The following CCL28 variants were observed in gnomAD, a reference collection of about 807,000 sequenced individuals.
CCL28 encodes C-C motif chemokine 28.
A neutral mutation model predicts 7.1 loss-of-function variants in CCL28; 4 were observed. That is an observed-to-expected ratio of 0.56 (90% CI 0.28 to 1.29). The LOEUF (loss-of-function observed/expected upper bound fraction) is 1.29, where lower values mean the gene tolerates loss of function less well. CCL28 is among the 50% of genes most tolerant of loss of function. The pLI is 0.11. For missense variants in CCL28, 151 were observed against 163.4 expected (o/e 0.92, Z 0.41); for synonymous variants, 55 against 57.8 (o/e 0.95, Z 0.22).
At chr5:43,363,639 G>A in the CCL28 span, among the ~76,000 whole-genome samples, 1 of 152,206 alleles carries the variant, frequency 6.6e-6, no homozygotes. Flanking sequence ...CTTCAGGTGA[G>A]TTTCCCTTTG....
At chr5:43,385,251 A>G (rs1226116890) in intron 2 of CCL28, among the ~76,000 whole-genome samples, 1 of 152,242 alleles carries the variant, frequency 6.6e-6, no homozygotes, top group Non-Finnish European at 1.5e-5. Flanking sequence ...AAGCTCATTA[A>G]TGAAGTCACT....
chr5:43,359,407 G>T, the CCL28 span, among the ~76,000 whole-genome samples: 3 of 152,214 alleles, frequency 2.0e-5, no homozygotes, highest in Non-Finnish European at 2.9e-5. Flanking sequence ...TCTGTAGCAG[G>T]AACATATCCT....
chr5:43,378,463 C>T (rs1041104791), downstream of CCL28, among the ~76,000 whole-genome samples: 7 of 152,050 alleles, frequency 4.6e-5, no homozygotes, highest in African/African-American at 1.4e-4. Context: ...TTTTTTAAAT[C>T]GCACACCTAT....
chr5:43,366,783 T>C, the CCL28 span, among the ~76,000 whole-genome samples: 1 of 152,106 alleles, frequency 6.6e-6, no homozygotes, highest in Non-Finnish European at 1.5e-5. Flanking sequence ...CCCAGGGAGA[T>C]GGGAGTTTTA....
chr5:43,375,767 G>A (rs914448187), downstream of CCL28, among the ~76,000 whole-genome samples: 36 of 152,022 alleles, frequency 2.4e-4, no homozygotes, highest in African/African-American at 7.3e-4. Flanking sequence ...TGAGGCGGGC[G>A]GACCCCGTCT....
At chr5:43,365,330 T>G in the CCL28 span, among the ~76,000 whole-genome samples, 1 of 152,194 alleles carries the variant, frequency 6.6e-6, no homozygotes, top group African/African-American at 2.4e-5. Context: ...AATTTGCCAG[T>G]CTGTGTCTTT....
the CCL28 span, among the ~76,000 whole-genome samples, chr5:43,360,929 C>G: frequency 6.6e-6 from 1 of 152,088 alleles, no homozygotes; most frequent in Non-Finnish European, 1.5e-5. Context: ...ATCCCATCAC[C>G]TAGGTATTAA....
chr5:43,410,463 A>G (rs1205729251), intron 1 of CCL28, among the ~76,000 whole-genome samples: 1 of 152,184 alleles, frequency 6.6e-6, no homozygotes, highest in Non-Finnish European at 1.5e-5. Flanking sequence ...AGACTAACCC[A>G]AAAGGCTATT....
chr5:43,410,593 T>G (rs947531125), intron 1 of CCL28, among the ~76,000 whole-genome samples: 1 of 152,112 alleles, frequency 6.6e-6, no homozygotes, highest in Non-Finnish European at 1.5e-5. Context: ...TGAAGGTGGG[T>G]CCTGGGTATG....
At chr5:43,402,845 G>A (rs371990212) in intron 1 of CCL28, among the ~76,000 whole-genome samples, 2 of 152,174 alleles carry the variant, frequency 1.3e-5, no homozygotes, top group African/African-American at 2.4e-5. Context: ...CTTAGCAAAC[G>A]GCACACCAGA....
chr5:43,374,992 T>A (rs1739857010), downstream of CCL28, among the ~76,000 whole-genome samples: 1 of 152,002 alleles, frequency 6.6e-6, no homozygotes, highest in Non-Finnish European at 1.5e-5. Context: ...AAAGATCTTT[T>A]TCTTTTCTTT....
At chr5:43,360,820 C>T in the CCL28 span, among the ~76,000 whole-genome samples, 3 of 151,924 alleles carry the variant, frequency 2.0e-5, no homozygotes, top group Admixed American at 2.0e-4. Flanking sequence ...GGATATGAGA[C>T]CTTTTTTTCT....
At chr5:43,383,223 G>GT (rs1490226867) in intron 2 of CCL28, among the ~76,000 whole-genome samples, 1 of 152,144 alleles carries the variant, frequency 6.6e-6, no homozygotes, top group Non-Finnish European at 1.5e-5. Flanking sequence ...AAAGATATTG[G>GT]TGACTTCTAA....
downstream of CCL28, among the ~76,000 whole-genome samples, chr5:43,372,079 TATTC>T (rs1739794841): frequency 6.6e-6 from 1 of 152,130 alleles, no homozygotes; most frequent in African/African-American, 2.4e-5. Flanking sequence ...CATGGGAACT[TATTC>T]AGTACCACAA....
At chr5:43,373,460 C>T (rs563758236), downstream of CCL28, among the ~76,000 whole-genome samples, 6 of 152,120 alleles carry the variant, frequency 3.9e-5, no homozygotes, top group Non-Finnish European at 7.4e-5. Context: ...GCCACCACGC[C>T]CGGCTAATTT....
the CCL28 span, among the ~76,000 whole-genome samples, chr5:43,369,074 GAGAGAGA>G: frequency 1.8e-5 from 2 of 110,214 alleles, no homozygotes; most frequent in African/African-American, 7.0e-5. Context: ...GAGAGAGAGA[GAGAGAGA>G]GAGAACCAGT....
At chr5:43,410,205 C>G (rs1741480329) in intron 1 of CCL28, among the ~76,000 whole-genome samples, 1 of 152,198 alleles carries the variant, frequency 6.6e-6, no homozygotes, top group African/African-American at 2.4e-5. Flanking sequence ...TCCCTCCCCA[C>G]TTGGTTTTCC....
chr5:43,369,062 G>A, the CCL28 span, among the ~76,000 whole-genome samples: 1 of 136,916 alleles, frequency 7.3e-6, no homozygotes, highest in African/African-American at 3.4e-5. Context: ...GAGAGAGAGA[G>A]AGAGAGAGAG....
Position 43,406,492 on chromosome 5 carries a change from G to A in CCL28, c.64+5761C>T, listed in dbSNP as rs1367070844. The stretch of plus-strand genomic sequence containing the variant: ...TCAATAAATTAGGTATTGATGGGAC[G>A]TATCTCCAAATAATCAGAGCTATTT... On this transcript the variant is annotated intron_variant, in intron 1 of 2. Transcript: ENST00000361115. Among the ~76,000 whole-genome samples, 9 of 152,206 alleles carry A rather than the reference G, an allele frequency of 5.9e-5. No individual in the cohort carries two copies. In the East Asian group the frequency reaches 1.4e-3, roughly 23 times the overall value.
Sources: gnomAD v4.1 joint callset for allele counts (sites outside exome capture counted in the v4.1 genomes callset) on GRCh38, gnomAD v4.1.1 for gene constraint, MANE v1.5 for transcripts, NCBI Gene and HGNC (gene_info 2026-07-23, HGNC 2026-07-21) for gene names.